The following RORA variants were observed in gnomAD, a reference collection of about 807,000 sequenced individuals.
The protein encoded by RORA is RAR related orphan receptor A.
Under a neutral mutation model 69.5 loss-of-function variants are expected in RORA, and 7 were observed. That is an observed-to-expected ratio of 0.10 (90% CI 0.06 to 0.19). The LOEUF (loss-of-function observed/expected upper bound fraction) is 0.19, where lower values mean the gene tolerates loss of function less well. Ranked by LOEUF, RORA falls within the 10% of genes least tolerant of loss-of-function variation. The pLI is 1.00. For missense variants in RORA, 457 were observed against 663.0 expected (o/e 0.69, Z 3.41); for synonymous variants, 261 against 240.8 (o/e 1.08, Z -0.78).
chr15:60,695,734 C>T (rs1444527414), intron 1 of RORA, among the ~76,000 whole-genome samples: 1 of 152,118 alleles, frequency 6.6e-6, no homozygotes, highest in Admixed American at 6.5e-5. Flanking sequence ...CCTCGCGCCC[C>T]CACGTCCCCA....
chr15:60,519,318 C>T (rs1455166529), intron 3 of RORA, among the ~76,000 whole-genome samples: 1 of 152,106 alleles, frequency 6.6e-6, no homozygotes, highest in Non-Finnish European at 1.5e-5. Context: ...TCACTTGTGA[C>T]AAGGGCAATA....
intron 1 of RORA, among the ~76,000 whole-genome samples, chr15:61,073,734 C>A (rs977258112): frequency 6.6e-6 from 1 of 152,152 alleles, no homozygotes; most frequent in Non-Finnish European, 1.5e-5. Context: ...AATTATGCTT[C>A]GTCCATCTTT....
intron 1 of RORA, among the ~76,000 whole-genome samples, chr15:60,913,243 G>C (rs537090644): frequency 5.3e-4 from 80 of 152,220 alleles, no homozygotes; most frequent in Non-Finnish European, 8.8e-4. Context: ...AGGGGCCCTT[G>C]GTGTGGACAT....
chr15:60,862,733 C>T (rs934831506), intron 1 of RORA, among the ~76,000 whole-genome samples: 2 of 152,122 alleles, frequency 1.3e-5, no homozygotes, highest in Non-Finnish European at 2.9e-5. Context: ...CCCAGAACAG[C>T]TATTTAAAGG....
chr15:60,824,061 C>T (rs147026879), intron 1 of RORA, among the ~76,000 whole-genome samples: 96 of 152,236 alleles, frequency 6.3e-4, no homozygotes, highest in African/African-American at 2.1e-3. Flanking sequence ...GTGTTATTCC[C>T]AACACACAGG....
At chr15:60,593,373 C>T (rs1174745527) in intron 2 of RORA, 1 of 152,458 alleles carries the variant, frequency 6.6e-6, no homozygotes, top group Non-Finnish European at 1.5e-5. Flanking sequence ...GAGAACCCAT[C>T]TACAAGTAGG....
At chr15:60,523,591 T>C (rs1469711153) in intron 3 of RORA, among the ~76,000 whole-genome samples, 1 of 152,208 alleles carries the variant, frequency 6.6e-6, no homozygotes, top group Non-Finnish European at 1.5e-5. Context: ...TCCATCACGT[T>C]GTTTCAATGC....
At chr15:60,765,953 G>A (rs774653415) in intron 1 of RORA, among the ~76,000 whole-genome samples, 79 of 152,098 alleles carry the variant, frequency 5.2e-4, no homozygotes, top group African/African-American at 1.4e-3. Context: ...GCAAGAAACC[G>A]GGGACCAATT....
rs555176253 is a variant in RORA at position 61,206,584 on chromosome 15, G to A, written c.166+22469C>T. Among the ~76,000 whole-genome samples the A allele has an allele frequency of 2.0e-5, 3 of 152,144 alleles. No individual in the cohort carries two copies. In the South Asian group the frequency reaches 6.2e-4, roughly 32 times the overall value. On this transcript the variant is annotated intron_variant, in intron 1 of 10. Transcript: ENST00000335670. Reference sequence around the variant, plus strand: ...AATAAAAGAGGATGCTGACCATCCCGCCCTTCACCCCGACCACCAAACAAG... The same window carrying A: ...AATAAAAGAGGATGCTGACCATCCCACCCTTCACCCCGACCACCAAACAAG...
intron 1 of RORA, among the ~76,000 whole-genome samples, chr15:61,024,466 T>G (rs538056167): frequency 1.4e-5 from 2 of 146,392 alleles, no homozygotes; most frequent in South Asian, 4.4e-4. Flanking sequence ...TTTTTTTTTT[T>G]GAGATGGAGT....
rs8043184 is a variant in RORA, at chr15:61,131,016, A to G, written c.166+98037T>C. Among the ~76,000 whole-genome samples, 2,526 of 152,330 alleles carry G rather than the reference A, an allele frequency of 0.017. 62 individuals carry two copies. Among genetic ancestry groups the G allele is most frequent in the African/African-American group, 0.055 (2,297 of 41,570 alleles). On this transcript the variant is annotated intron_variant, in intron 1 of 10. Coordinates refer to ENST00000335670, the MANE Select transcript of RORA (RefSeq NM_134261.3). This position sits in a 1 kb window ranked among gnomAD's most constrained non-coding sequence, Gnocchi z 4.2. ...TATAAGTCTAACCAATATTATATGC[A>G]TATAAATAACTTCAGTACACGTGTA...
intron 1 of RORA, among the ~76,000 whole-genome samples, chr15:60,803,591 C>T (rs548506314): frequency 2.6e-5 from 4 of 152,200 alleles, no homozygotes; most frequent in Non-Finnish European, 5.9e-5. Context: ...GCCAGAGTGG[C>T]TGTCCCAAGT....
At chr15:61,146,103 C>A (rs2079344934) in intron 1 of RORA, among the ~76,000 whole-genome samples, 1 of 152,118 alleles carries the variant, frequency 6.6e-6, no homozygotes, top group African/African-American at 2.4e-5. Context: ...TGGCAGAAAT[C>A]CTTTTTACAA....
chr15:61,141,406 A>C (rs1435017501), intron 1 of RORA, among the ~76,000 whole-genome samples: 3 of 152,234 alleles, frequency 2.0e-5, no homozygotes, highest in Admixed American at 2.0e-4. Context: ...ATAAAATCCA[A>C]CACAATTGCT....
chr15:60,546,043 G>A (rs2067058589), intron 2 of RORA, among the ~76,000 whole-genome samples: 1 of 152,138 alleles, frequency 6.6e-6, no homozygotes, highest in African/African-American at 2.4e-5. Context: ...GAGTCAAGGG[G>A]CTGTGGAACC....
chr15:60,933,385 C>T (rs1026947682), intron 1 of RORA, among the ~76,000 whole-genome samples: 5 of 152,232 alleles, frequency 3.3e-5, no homozygotes, highest in African/African-American at 1.2e-4. Context: ...CCTTGCAGTG[C>T]CCTTTTCTTG....
chr15:61,031,965 C>G (rs1291619291), intron 1 of RORA, among the ~76,000 whole-genome samples: 1 of 152,216 alleles, frequency 6.6e-6, no homozygotes, highest in African/African-American at 2.4e-5. Flanking sequence ...CCTACCTAAT[C>G]TGCCAAGGAT....
chr15:61,061,348 T>C lies in RORA; in HGVS notation c.166+167705A>G, dbSNP rs1259106936. ...TGCAGGGAGACAGAGCGAGGCTCTA[T>C]CTTAAAAAATAAATAAATAAATAAA... On this transcript the variant is annotated intron_variant, in intron 1 of 10. Coordinates refer to ENST00000335670, the MANE Select transcript of RORA (RefSeq NM_134261.3). This position sits in a 1 kb window ranked among gnomAD's most constrained non-coding sequence, Gnocchi z 4.4. 7.8e-6 allele frequency among the ~76,000 whole-genome samples: 1 copy of C among 127,416 alleles called. No individual in the cohort carries two copies. The highest frequency in any genetic ancestry group is 1.7e-5 in the Non-Finnish European group (1 of 60,590). The allele number at this position is 127,416 out of a possible 152,430, so 83.6% of individuals were successfully genotyped here.
chr15:61,111,021 T>A (rs553628692), intron 1 of RORA, among the ~76,000 whole-genome samples: 6 of 152,196 alleles, frequency 3.9e-5, no homozygotes, highest in Admixed American at 2.0e-4. Context: ...CTGGCCTGAA[T>A]GACTGTGCAG....
Sources: allele counts gnomAD v4.1 joint callset (sites outside exome capture counted in the v4.1 genomes callset), GRCh38; gene constraint gnomAD v4.1.1; non-coding constraint Gnocchi (gnomAD v3.1); transcripts MANE v1.5; gene names NCBI Gene and HGNC (gene_info 2026-07-23, HGNC 2026-07-21).